Variants in RBMS3 observed in about 807,000 individuals in gnomAD.
RBMS3 encodes the protein RNA binding motif single stranded interacting protein 3.
Under a neutral mutation model 66.8 loss-of-function variants are expected in RBMS3, and 27 were observed. The observed-to-expected ratio is 0.40, with a 90% CI of 0.30 to 0.56. RBMS3 has a LOEUF of 0.56. Among genes scored for constraint, RBMS3 ranks in the 20% least tolerant of loss-of-function variants. The pLI is 0.40. For missense variants in RBMS3, 513 were observed against 549.5 expected (o/e 0.93, Z 0.66); for synonymous variants, 188 against 183.0 (o/e 1.03, Z -0.22).
At position 29,654,944 on chromosome 3, in the gene RBMS3, G is replaced by A. The variant is rs191943279; in HGVS notation, c.399+67739G>A. On this transcript the variant is annotated intron_variant, in intron 4 of 14. Coordinates refer to ENST00000383767, the MANE Select transcript of RBMS3 (RefSeq NM_001003793.3). Reference sequence around the variant, plus strand: ...AAAGGCAGTACTAGCCAAAGAAAACGTGACCTGATAGAGATTGTGACTTCA... The same window carrying A: ...AAAGGCAGTACTAGCCAAAGAAAACATGACCTGATAGAGATTGTGACTTCA... Among the ~76,000 whole-genome samples the A allele has an allele frequency of 1.9e-3, 293 of 152,126 alleles. 1 individual carries two copies. Among genetic ancestry groups the A allele is most frequent in the African/African-American group, 6.8e-3 (282 of 41,514 alleles).
At chr3:29,868,816 AGGGGGAGTT>A in intron 6 of RBMS3, 33 bp from the exon 7 acceptor site, 1 of 1,484,774 alleles carries the variant, frequency 6.7e-7, no homozygotes, top group Admixed American at 1.9e-5. Flanking sequence ...TTAGTTTTTA[AGGGGGAGTT>A]GTTAATGTAG....
Position 29,661,529 on chromosome 3 carries a change from G to T in RBMS3, c.399+74324G>T, listed in dbSNP as rs72846071. 6.3e-3 allele frequency among the ~76,000 whole-genome samples: 964 copies of T among 152,046 alleles called. 10 individuals carry two copies. Among genetic ancestry groups the T allele is most frequent in the East Asian group, 0.045 (235 of 5,170 alleles). On this transcript the variant is annotated intron_variant, in intron 4 of 14. Transcript: ENST00000383767. Reference sequence around the variant, plus strand: ...GATTCCTGCTAGATTATTTAATTTAGGTCACTACTGTTTCTGTTAATATCA... The same window carrying T: ...GATTCCTGCTAGATTATTTAATTTATGTCACTACTGTTTCTGTTAATATCA...
intron 2 of RBMS3, among the ~76,000 whole-genome samples, chr3:29,466,263 C>A (rs545316572): frequency 6.6e-6 from 1 of 151,992 alleles, no homozygotes; most frequent in South Asian, 2.1e-4. Context: ...TGAATTATGA[C>A]AACTGACAAA....
chr3:29,925,231 C>A (rs569128082), intron 10 of RBMS3: 1 of 152,262 alleles, frequency 6.6e-6, no homozygotes, highest in East Asian at 1.9e-4. Context: ...ACTTCTAACA[C>A]CTTATTTTTA....
chr3:29,385,119 G>A (rs569692859), intron 1 of RBMS3, among the ~76,000 whole-genome samples: 1 of 152,304 alleles, frequency 6.6e-6, no homozygotes, highest in East Asian at 1.9e-4. Context: ...AGCATTACCT[G>A]ATGGTGTTTA....
intron 12 of RBMS3, among the ~76,000 whole-genome samples, chr3:29,984,439 C>T (rs1325125548): frequency 1.3e-5 from 2 of 151,806 alleles, no homozygotes; most frequent in Non-Finnish European, 2.9e-5. Flanking sequence ...ATTCTCTGTC[C>T]AGTTTTGTTC....
chr3:29,445,001 G>T (rs2041771451), intron 2 of RBMS3, among the ~76,000 whole-genome samples: 2 of 150,464 alleles, frequency 1.3e-5, no homozygotes, highest in Non-Finnish European at 3.0e-5. Context: ...AATCTGTACT[G>T]TATCCTTAAC....
In RBMS3 at chr3:29,702,288, A is replaced by G. The variant is rs150605920; in HGVS notation, c.400-37432A>G. Among the ~76,000 whole-genome samples the G allele has an allele frequency of 3.4e-3, 516 of 152,128 alleles. 4 individuals carry two copies. Among genetic ancestry groups the G allele is most frequent in the African/African-American group, 0.012 (500 of 41,530 alleles). ...TCAGTGCTCTGTGTCTAGCTAATCT[A>G]GTGTGGACTTGGAGAACTTTTGTGT... On this transcript the variant is annotated intron_variant, in intron 4 of 14. Transcript: ENST00000383767.
intron 3 of RBMS3, among the ~76,000 whole-genome samples, chr3:29,561,542 T>G (rs1485573248): frequency 1.3e-5 from 2 of 152,160 alleles, no homozygotes; most frequent in Admixed American, 6.5e-5. Flanking sequence ...AACCTCTGCC[T>G]CATTGGTTCG....
intron 8 of RBMS3, among the ~76,000 whole-genome samples, chr3:29,885,120 A>G (rs114944654): frequency 3.9e-5 from 6 of 152,030 alleles, no homozygotes; most frequent in African/African-American, 1.4e-4. Context: ...CAGTCATTCA[A>G]CAAACATCCA....
chr3:29,566,435 T>C (rs2046744023), intron 3 of RBMS3, among the ~76,000 whole-genome samples: 1 of 152,090 alleles, frequency 6.6e-6, no homozygotes, highest in Non-Finnish European at 1.5e-5. Flanking sequence ...TGTGAAGCTC[T>C]ACGTAACACA....
intron 8 of RBMS3, among the ~76,000 whole-genome samples, chr3:29,892,072 G>A (rs1428051353): frequency 6.6e-6 from 1 of 151,286 alleles, no homozygotes; most frequent in African/African-American, 2.4e-5. Flanking sequence ...ACTACTGACC[G>A]CCAAATCCCC....
At chr3:29,666,863 C>A (rs954032709) in intron 4 of RBMS3, among the ~76,000 whole-genome samples, 4 of 151,978 alleles carry the variant, frequency 2.6e-5, no homozygotes, top group Non-Finnish European at 2.9e-5. Flanking sequence ...TAATGAGTAG[C>A]CTTCAATTTG....
intron 12 of RBMS3, among the ~76,000 whole-genome samples, chr3:29,984,899 C>T (rs1698265436): frequency 6.6e-6 from 1 of 152,144 alleles, no homozygotes; most frequent in Non-Finnish European, 1.5e-5. Flanking sequence ...ACTTGAGGGA[C>T]CCACTTGAGG....
At chr3:29,757,502 C>T (rs952587513) in intron 5 of RBMS3, among the ~76,000 whole-genome samples, 6 of 152,158 alleles carry the variant, frequency 3.9e-5, no homozygotes, top group Non-Finnish European at 7.3e-5. Context: ...CACAGAACTT[C>T]GGAACAGGAG....
At chr3:29,783,731 C>T (rs553378454) in intron 6 of RBMS3, among the ~76,000 whole-genome samples, 63 of 152,164 alleles carry the variant, frequency 4.1e-4, no homozygotes, top group African/African-American at 1.5e-3. Flanking sequence ...CCTAAATGGT[C>T]CACTTAAAAG....
chr3:29,431,026 G>C (rs2041166302), intron 1 of RBMS3, among the ~76,000 whole-genome samples: 1 of 152,188 alleles, frequency 6.6e-6, no homozygotes, highest in Admixed American at 6.5e-5. Context: ...TAGAGCTTAA[G>C]TTTTGTGAGG....
chr3:29,902,131 T>C (rs2060270034), intron 10 of RBMS3, among the ~76,000 whole-genome samples: 2 of 151,836 alleles, frequency 1.3e-5, no homozygotes, highest in African/African-American at 2.4e-5. Context: ...AGGAAACCCA[T>C]TTTAGCAAGG....
At chr3:29,858,057 AAAG>A (rs2059125170) in intron 6 of RBMS3, among the ~76,000 whole-genome samples, 1 of 152,226 alleles carries the variant, frequency 6.6e-6, no homozygotes, top group African/African-American at 2.4e-5. Context: ...AAATTAAGAA[AAAG>A]AACTAAATAA....
Sources: gnomAD v4.1 joint callset for allele counts (sites outside exome capture counted in the v4.1 genomes callset) on GRCh38, gnomAD v4.1.1 for gene constraint, MANE v1.5 for transcripts, NCBI Gene and HGNC (gene_info 2026-07-23, HGNC 2026-07-21) for gene names.